Variants in SORT1 observed in about 807,000 individuals in gnomAD.
The protein encoded by SORT1 is sortilin.
Under a neutral mutation model 101.7 loss-of-function variants are expected in SORT1, and 39 were observed. The observed-to-expected ratio is 0.38, with a 90% CI of 0.30 to 0.50. The LOEUF (loss-of-function observed/expected upper bound fraction) is 0.50. SORT1 is among the 20% of genes least tolerant of loss of function. The pLI, the probability that SORT1 is intolerant of heterozygous loss-of-function variation, is 0.90. For synonymous variants in SORT1, 396 were observed against 393.7 expected (o/e 1.01, Z -0.07); for missense variants, 878 against 1,040.4 (o/e 0.84, Z 2.15).
chr1:109,352,486 G>A (rs1208752148), intron 5 of SORT1, among the ~76,000 whole-genome samples: 2 of 152,182 alleles, frequency 1.3e-5, no homozygotes, highest in East Asian at 3.9e-4. Flanking sequence ...CATTACACCG[G>A]CAATGTGAGC....
In SORT1 at chr1:109,354,449, T is replaced by TGCA. The variant is rs769415785; in HGVS notation, c.623_625dup (p.Val208_Gln209insLeu). The TGCA allele has an allele frequency of 6.2e-7, 1 of 1,613,446 alleles. No homozygotes were observed. Among genetic ancestry groups the TGCA allele is most frequent in the South Asian group, 1.1e-5 (1 of 91,068 alleles). On this transcript the variant is annotated inframe_insertion, in exon 5 of 20. Coordinates refer to ENST00000256637, the MANE Select transcript of SORT1 (RefSeq NM_002959.7). ...GAGAGGATGAAAAGGGAGATCTGTT[T>TGCA]GCACAAAATTCTTCGCAAAATCTGA...
chr1:109,348,703 G>C (rs1241373953), intron 6 of SORT1, among the ~76,000 whole-genome samples: 3 of 152,008 alleles, frequency 2.0e-5, no homozygotes, highest in African/African-American at 7.2e-5. Flanking sequence ...CTGTTGCCCA[G>C]GCTGGTCTTG....
intron 13 of SORT1, among the ~76,000 whole-genome samples, chr1:109,326,541 A>C (rs1648085157): frequency 6.8e-6 from 1 of 146,400 alleles, no homozygotes; most frequent in Non-Finnish European, 1.5e-5. Context: ...ATATATACAT[A>C]TATATACACA....
chr1:109,391,378 T>C (rs1436426207), intron 1 of SORT1, among the ~76,000 whole-genome samples: 2 of 152,188 alleles, frequency 1.3e-5, no homozygotes, highest in Admixed American at 6.5e-5. Context: ...AGGAAAACAT[T>C]TGTGATCACA....
Position 109,358,766 on chromosome 1 carries a change from T to C in SORT1, c.441-3297A>G, listed in dbSNP as rs1321102208. On this transcript the variant is annotated intron_variant, in intron 3 of 19. Coordinates refer to ENST00000256637, the MANE Select transcript of SORT1 (RefSeq NM_002959.7). Reference sequence around the variant, plus strand: ...CTACTCAGGAGGCTGAGGCAGAGAATTGCTTGACCCCGGGAGGCAGAGGTT... The same window carrying C: ...CTACTCAGGAGGCTGAGGCAGAGAACTGCTTGACCCCGGGAGGCAGAGGTT... Among the ~76,000 whole-genome samples, 7 of 151,742 alleles carry C rather than the reference T, an allele frequency of 4.6e-5. No homozygotes were observed. In the East Asian group the frequency reaches 1.4e-3, roughly 29 times the overall value.
chr1:109,395,593 CAGCTAAATGAAAG>C (rs1357999606), intron 1 of SORT1, among the ~76,000 whole-genome samples: 2 of 151,940 alleles, frequency 1.3e-5, no homozygotes, highest in Non-Finnish European at 2.9e-5. Context: ...TTATTGCAAA[CAGCTAAATGAAAG>C]AAATAGAAGA....
chr1:109,342,129 T>G lies in SORT1; in HGVS notation c.993A>C (p.Thr331=). 6.2e-7 allele frequency: 1 copy of G among 1,612,604 alleles called. No individual in the cohort carries two copies. ...CCATGCTCCATGTGTCCCCTTGATC[T>G]GTTGAAACGTGGATCCTTCTTGTTG... ...KDTTRRIHVS[T]DQGDTWSMAQ... is the part of the protein sequence containing the mutation. Residue 331 remains threonine, a synonymous_variant, in exon 9 of 20, where the codon ACA becomes ACC. Coordinates refer to ENST00000256637, the MANE Select transcript of SORT1 (RefSeq NM_002959.7).
chr1:109,342,258 C>A, intron 8 of SORT1, 100 bp from the exon 9 acceptor site: 1 of 878,466 alleles, frequency 1.1e-6, no homozygotes, highest in Non-Finnish European at 1.8e-6. Flanking sequence ...TTATCCATTT[C>A]TCTACTGGGT....
chr1:109,372,226 T>C (rs557416546), intron 1 of SORT1, among the ~76,000 whole-genome samples: 17 of 152,332 alleles, frequency 1.1e-4, no homozygotes, highest in African/African-American at 4.1e-4. Flanking sequence ...GTACATGTCA[T>C]TCTACACTGC....
intron 15 of SORT1, among the ~76,000 whole-genome samples, chr1:109,319,877 A>AG (rs1647506044): frequency 6.6e-6 from 1 of 151,872 alleles, no homozygotes; most frequent in Non-Finnish European, 1.5e-5. Context: ...AAAAAAAAAA[A>AG]AAAGAAAAGA....
chr1:109,357,367 G>C (rs543116038), intron 3 of SORT1, among the ~76,000 whole-genome samples: 2 of 152,154 alleles, frequency 1.3e-5, no homozygotes, highest in African/African-American at 4.8e-5. Flanking sequence ...TTTTGGTAGC[G>C]GCCTCAACAA....
intron 1 of SORT1, among the ~76,000 whole-genome samples, chr1:109,375,271 A>C (rs749454232): frequency 6.6e-6 from 1 of 152,144 alleles, no homozygotes; most frequent in Non-Finnish European, 1.5e-5. Flanking sequence ...CAGAAAAAAA[A>C]GTTAAGATAT....
Position 109,397,798 on chromosome 1 carries a change from A to G in SORT1, c.95T>C (p.Leu32Pro), listed in dbSNP as rs1319068052. 1.3e-5 allele frequency: 16 copies of G among 1,267,152 alleles called. No homozygotes were observed. Among genetic ancestry groups the G allele is most frequent in the African/African-American group, 1.6e-5 (1 of 63,370 alleles). The allele number at this position is 1,267,152 out of a possible 1,614,324, so 78.5% of individuals were successfully genotyped here. A position where few individuals can be genotyped will look rare whatever the true frequency, so the allele number is the denominator to read the frequency against. ...LLLQLLPPST[L>P]SQDRLDAPPP... ...CGGCGCGTCCAGCCGGTCCTGGCTG[A>G]GGGTCGACGGCGGCAGCAGCTGCAG... Residue 32 changes from leucine (L) to proline (P), a missense_variant, in exon 1 of 20, where the codon CTC becomes CCC. Transcript: ENST00000256637.
intron 3 of SORT1, 37 bp from the exon 4 acceptor site, chr1:109,355,506 G>A (rs1650247081): frequency 2.1e-6 from 2 of 933,534 alleles, no homozygotes; most frequent in East Asian, 4.8e-5. Context: ...TTAGGGTGCA[G>A]TGGTCATGGA....
At chr1:109,342,203 T>C in intron 8 of SORT1, 45 bp from the exon 9 acceptor site, 1 of 1,469,906 alleles carries the variant, frequency 6.8e-7, no homozygotes, top group African/African-American at 1.4e-5. Context: ...TCTGCCAAGA[T>C]GCCATGGGCA....
At chr1:109,371,614 G>C (rs112198513) in intron 1 of SORT1, among the ~76,000 whole-genome samples, 7 of 152,262 alleles carry the variant, frequency 4.6e-5, no homozygotes, top group African/African-American at 1.7e-4. Context: ...CTACACAGCC[G>C]ACCCAGTCAA....
At chr1:109,381,421 C>T (rs1408927843) in intron 1 of SORT1, among the ~76,000 whole-genome samples, 1 of 151,204 alleles carries the variant, frequency 6.6e-6, no homozygotes, top group Admixed American at 6.6e-5. Context: ...GTTTCAAGAA[C>T]AAGGAAAAAA....
chr1:109,385,836 T>C (rs758865853), intron 1 of SORT1, among the ~76,000 whole-genome samples: 9 of 152,258 alleles, frequency 5.9e-5, no homozygotes, highest in Non-Finnish European at 1.2e-4. Flanking sequence ...CTGTCAATTA[T>C]TCCTGTGGTT....
chr1:109,323,237 C>T, intron 14 of SORT1, 116 bp from the exon 15 acceptor site: 2 of 692,074 alleles, frequency 2.9e-6, no homozygotes, highest in Middle Eastern at 3.2e-4. Context: ...CTGACTCAAC[C>T]TATTCCTTCA....
Sources: gnomAD v4.1 joint callset for allele counts (sites outside exome capture counted in the v4.1 genomes callset) on GRCh38, gnomAD v4.1.1 for gene constraint, MANE v1.5 for transcripts, NCBI Gene and HGNC (gene_info 2026-07-23, HGNC 2026-07-21) for gene names.